Variants in PIBF1 observed in about 807,000 individuals in gnomAD.
PIBF1 encodes progesterone-induced-blocking factor 1.
In PIBF1, 90 loss-of-function variants were observed where a neutral mutation model predicts 112.5. That is an observed-to-expected ratio of 0.80 (90% CI 0.67 to 0.95). The LOEUF is 0.95. Ranked by LOEUF, PIBF1 falls within the 40% of genes least tolerant of loss-of-function variation. The probability of loss-of-function intolerance (pLI) is 0.00; values close to 1 mark genes in which losing one functional copy is unlikely to be tolerated. For missense variants in PIBF1, 915 were observed against 852.3 expected (o/e 1.07, Z -0.92); for synonymous variants, 301 against 288.6 (o/e 1.04, Z -0.44).
At chr13:72,841,217 C>T (rs1052785344) in intron 9 of PIBF1, among the ~76,000 whole-genome samples, 1 of 152,030 alleles carries the variant, frequency 6.6e-6, no homozygotes, top group Non-Finnish European at 1.5e-5. Flanking sequence ...CTTAAAATTC[C>T]ACTTTGGAGC....
chr13:72,917,553 T>A (rs1182141268), intron 13 of PIBF1, among the ~76,000 whole-genome samples: 1 of 151,548 alleles, frequency 6.6e-6, no homozygotes, highest in Admixed American at 6.6e-5. Flanking sequence ...TTAGGGAGAG[T>A]GATTTGGAAT....
At chr13:72,955,639 G>T (rs1443612392) in intron 14 of PIBF1, among the ~76,000 whole-genome samples, 1 of 151,894 alleles carries the variant, frequency 6.6e-6, no homozygotes, top group East Asian at 1.9e-4. Context: ...ATCCCAATCA[G>T]CAATGTTATA....
At chr13:72,813,378 G>A (rs1566303167) in intron 5 of PIBF1, among the ~76,000 whole-genome samples, 1 of 152,110 alleles carries the variant, frequency 6.6e-6, no homozygotes, top group Non-Finnish European at 1.5e-5. Context: ...TTGAGCTTTG[G>A]GAAAGCTAGT....
At chr13:72,979,671 C>T (rs1286049557) in intron 16 of PIBF1, among the ~76,000 whole-genome samples, 1 of 152,132 alleles carries the variant, frequency 6.6e-6, no homozygotes, top group African/African-American at 2.4e-5. Context: ...AGCCTGTAAT[C>T]CCAGCACTTT....
At position 72,908,691 on chromosome 13, in the gene PIBF1, C is replaced by G. The variant is rs775542218; in HGVS notation, c.1639+10C>G. 2.5e-6 allele frequency: 4 copies of G among 1,600,806 alleles called. No homozygotes were observed. Among genetic ancestry groups the G allele is most frequent in the African/African-American group, 1.4e-5 (1 of 73,948 alleles). On this transcript the variant is annotated intron_variant, in intron 12 of 17. Transcript: ENST00000326291. ...ATGCAAACTGCAGAAAGTAAGTCTT[C>G]CCCCACACACACATGCACAACTTTT...
chr13:72,850,354 T>C (rs539645532), intron 9 of PIBF1, among the ~76,000 whole-genome samples: 1 of 152,368 alleles, frequency 6.6e-6, no homozygotes, highest in Non-Finnish European at 1.5e-5. Flanking sequence ...CCTCTCTTAC[T>C]CCAGTAAAGA....
intron 14 of PIBF1, among the ~76,000 whole-genome samples, chr13:72,940,548 G>A (rs1166131543): frequency 2.6e-5 from 4 of 151,922 alleles, no homozygotes; most frequent in South Asian, 2.1e-4. Context: ...CTTTGCATAT[G>A]TAGTAATTAT....
intron 9 of PIBF1, among the ~76,000 whole-genome samples, chr13:72,853,388 A>G (rs907407383): frequency 6.6e-6 from 1 of 152,174 alleles, no homozygotes; most frequent in Non-Finnish European, 1.5e-5. Flanking sequence ...ACTAATTTTC[A>G]TACCCGATCT....
intron 10 of PIBF1, among the ~76,000 whole-genome samples, chr13:72,864,799 A>T (rs1566375843): frequency 6.6e-6 from 1 of 152,218 alleles, no homozygotes; most frequent in Non-Finnish European, 1.5e-5. Flanking sequence ...CCACAGATGA[A>T]GTGTGAGTGT....
At chr13:72,968,001 C>T (rs1363732377) in intron 15 of PIBF1, among the ~76,000 whole-genome samples, 6 of 151,840 alleles carry the variant, frequency 4.0e-5, no homozygotes, top group Non-Finnish European at 8.8e-5. Flanking sequence ...CTGGCTAACA[C>T]GGTGAAACCC....
intron 13 of PIBF1, 97 bp downstream of exon 13, chr13:72,917,263 T>C: frequency 3.5e-6 from 2 of 578,016 alleles, no homozygotes; most frequent in South Asian, 6.9e-5. Flanking sequence ...GACAAAGTCC[T>C]TTATTCTTAC....
chr13:72,977,880 A>G (rs571050322), intron 16 of PIBF1, among the ~76,000 whole-genome samples: 2 of 152,314 alleles, frequency 1.3e-5, no homozygotes, highest in South Asian at 2.1e-4. Context: ...AATATATTCA[A>G]CAACTAATTT....
intron 10 of PIBF1, among the ~76,000 whole-genome samples, chr13:72,859,264 A>C (rs1212243478): frequency 6.6e-6 from 1 of 152,176 alleles, no homozygotes; most frequent in Non-Finnish European, 1.5e-5. Context: ...TTTTTAAGAG[A>C]TATATTGCAG....
At chr13:72,902,931 T>A (rs2040553273) in intron 11 of PIBF1, among the ~76,000 whole-genome samples, 1 of 151,842 alleles carries the variant, frequency 6.6e-6, no homozygotes, top group Non-Finnish European at 1.5e-5. Flanking sequence ...AGTCTCACTC[T>A]GTCTCCCAGG....
Position 72,783,543 on chromosome 13 carries a change from T to C in PIBF1, c.74T>C (p.Leu25Ser). ...SSSLESEDIS[L>S]ETTVPTDDIS... The stretch of plus-strand genomic sequence containing the variant: ...TCTCTGGAATCTGAAGATATTAGTT[T>C]AGAAACAACAGTTCCTACGGATGAT... Residue 25 changes from leucine to serine, a missense_variant, in exon 2 of 18, where the codon TTA becomes TCA. Leu to Ser is a moderately radical substitution (Grantham distance 145). Coordinates refer to ENST00000326291, the MANE Select transcript of PIBF1 (RefSeq NM_006346.4). The C allele has an allele frequency of 6.2e-7, 1 of 1,613,852 alleles. No individual in the cohort carries two copies. Among genetic ancestry groups the C allele is most frequent in the Non-Finnish European group, 8.5e-7 (1 of 1,179,722 alleles).
At chr13:72,846,613 G>T (rs575948263) in intron 9 of PIBF1, among the ~76,000 whole-genome samples, 13 of 152,076 alleles carry the variant, frequency 8.5e-5, no homozygotes, top group Non-Finnish European at 1.8e-4. Context: ...CTGGTCACTC[G>T]CATAGTTATG....
At chr13:72,800,664 T>G (rs1008933268) in intron 5 of PIBF1, among the ~76,000 whole-genome samples, 61 of 152,338 alleles carry the variant, frequency 4.0e-4, no homozygotes, top group African/African-American at 1.4e-3. Flanking sequence ...GCATTATTCT[T>G]GGTACTTGGG....
At position 72,795,448 on chromosome 13, in the gene PIBF1, A is replaced by C. The variant is rs777230103; in HGVS notation, c.443A>C (p.Lys148Thr). ...GAGACAAATCTTCAGCTAAGAGAAA[A>C]AGCTGGAGATGTTCGTCGAAACCTG... is the stretch of plus-strand genomic sequence containing the variant. ...LEETNLQLRE[K>T]AGDVRRNLRD... The change falls in exon 4 of 18, where the codon AAA becomes ACA. Residue 148 changes from lysine (K) to threonine (T), a missense_variant. Coordinates refer to ENST00000326291, the MANE Select transcript of PIBF1 (RefSeq NM_006346.4). The C allele has an allele frequency of 3.1e-6, 5 of 1,609,610 alleles. No homozygotes were observed. Among genetic ancestry groups the C allele is most frequent in the East Asian group, 4.5e-5 (2 of 44,780 alleles).
At position 72,784,606 on chromosome 13, in the gene PIBF1, A is replaced by G. The variant is rs1015280289; in HGVS notation, c.252+885A>G. The stretch of plus-strand genomic sequence containing the variant: ...AGACCACCCTTGCTACTAAAAAAAT[A>G]AAATAGCCCCGCGTAGTGGTGCTGC... On this transcript the variant is annotated intron_variant, in intron 2 of 17. Coordinates refer to ENST00000326291, the MANE Select transcript of PIBF1 (RefSeq NM_006346.4). Among the ~76,000 whole-genome samples the G allele has an allele frequency of 4.6e-5, 7 of 152,090 alleles. No homozygotes were observed. The East Asian group carries it at 1.4e-3, about 30-fold the overall frequency.
Sources: allele counts gnomAD v4.1 joint callset (sites outside exome capture counted in the v4.1 genomes callset), GRCh38; gene constraint gnomAD v4.1.1; transcripts MANE v1.5; gene names NCBI Gene and HGNC (gene_info 2026-07-23, HGNC 2026-07-21).